Variants in EEF1AKMT1 observed in about 807,000 individuals in gnomAD.
The protein encoded by EEF1AKMT1 is N-6 adenine-specific DNA methyltransferase 2 (putative).
In EEF1AKMT1, 18 loss-of-function variants were observed where a neutral mutation model predicts 21.0. The observed-to-expected ratio is 0.86, with a 90% confidence interval of 0.59 to 1.27. The LOEUF is 1.27. Among genes scored for constraint, EEF1AKMT1 ranks in the 50% most tolerant of loss-of-function variants. EEF1AKMT1 has a pLI of 0.00. For missense variants in EEF1AKMT1, 246 were observed against 258.6 expected, an observed-to-expected ratio of 0.95 and a Z score of 0.33; for synonymous variants, 109 against 94.8, an observed-to-expected ratio of 1.15 and a Z score of -0.87.
chr13:20,743,370 A>G (rs1477141446), intron 2 of EEF1AKMT1, among the ~76,000 whole-genome samples: 1 of 151,820 alleles, frequency 6.6e-6, no homozygotes, highest in African/African-American at 2.4e-5. Context: ...CCTGGCTAAT[A>G]CTTTTATTAT....
At chr13:20,734,152 T>A (rs1174662379) in intron 3 of EEF1AKMT1, among the ~76,000 whole-genome samples, 2 of 152,218 alleles carry the variant, frequency 1.3e-5, no homozygotes, top group African/African-American at 4.8e-5. Flanking sequence ...ATATGCACAC[T>A]ATGAAAACAT....
chr13:20,756,941 C>G (rs928357103), intron 2 of EEF1AKMT1, among the ~76,000 whole-genome samples: 1 of 152,192 alleles, frequency 6.6e-6, no homozygotes, highest in Non-Finnish European at 1.5e-5. Flanking sequence ...AACCTGCATC[C>G]CGTCTCTGCT....
At chr13:20,763,516 G>A (rs1165585385) in intron 1 of EEF1AKMT1, among the ~76,000 whole-genome samples, 2 of 151,228 alleles carry the variant, frequency 1.3e-5, no homozygotes, top group African/African-American at 4.9e-5. Context: ...GCAATGGCTC[G>A]ATCTCAGCTC....
At chr13:20,758,216 G>C (rs2058981232) in intron 1 of EEF1AKMT1, among the ~76,000 whole-genome samples, 1 of 152,010 alleles carries the variant, frequency 6.6e-6, no homozygotes, top group African/African-American at 2.4e-5. Flanking sequence ...CTGCCTGCAG[G>C]TTTCATCTAC....
intron 1 of EEF1AKMT1, among the ~76,000 whole-genome samples, chr13:20,773,341 C>G (rs2059071536): frequency 6.6e-6 from 1 of 152,198 alleles, no homozygotes; most frequent in Non-Finnish European, 1.5e-5. Context: ...ACTTCTTCTG[C>G]ACCTCCGAAG....
At chr13:20,731,593 A>T (rs2058796140) in intron 4 of EEF1AKMT1, among the ~76,000 whole-genome samples, 1 of 152,232 alleles carries the variant, frequency 6.6e-6, no homozygotes, top group Admixed American at 6.5e-5. Context: ...GTAACAGCTG[A>T]CATTCATCAA....
chr13:20,771,928 T>C (rs758134403), intron 1 of EEF1AKMT1, among the ~76,000 whole-genome samples: 1 of 152,064 alleles, frequency 6.6e-6, no homozygotes, highest in African/African-American at 2.4e-5. Context: ...GGAGAATCGC[T>C]TGAACCCAGG....
rs1555326495 is a variant in EEF1AKMT1, at chr13:20,748,715, G to GGTTT, written c.144+8739_144+8740insAAAC. ...TTCTTCACCCTCCTAATGTATAGTT[G>GGTTT]TTTTTTTTTGGTTTTTTTTTTTTTT... On this transcript the variant is annotated intron_variant, in intron 2 of 4. Transcript: ENST00000382758. Among the ~76,000 whole-genome samples the GGTTT allele has an allele frequency of 1.0e-4, 11 of 105,836 alleles. 1 individual carries two copies. The highest frequency in any genetic ancestry group is 3.0e-4 in the South Asian group (1 of 3,290). The allele number at this position is 105,836 out of a possible 152,430, so 69.4% of individuals were successfully genotyped here.
intron 1 of EEF1AKMT1, among the ~76,000 whole-genome samples, chr13:20,766,398 A>T (rs2059033140): frequency 6.6e-6 from 1 of 152,288 alleles, no homozygotes; most frequent in South Asian, 2.1e-4. Flanking sequence ...ATTAGACAGT[A>T]TATAATGTTG....
intron 4 of EEF1AKMT1, among the ~76,000 whole-genome samples, chr13:20,729,920 C>A (rs562022598): frequency 2.6e-5 from 4 of 152,348 alleles, no homozygotes; most frequent in South Asian, 4.1e-4. Flanking sequence ...TTAAAGCGAA[C>A]GTCTTACGTC....
intron 1 of EEF1AKMT1, among the ~76,000 whole-genome samples, chr13:20,773,411 C>A (rs914449822): frequency 1.1e-4 from 16 of 152,222 alleles, no homozygotes; most frequent in East Asian, 1.9e-4. Flanking sequence ...TCGCAGCACC[C>A]GCATCCTGCA....
chr13:20,753,476 T>A (rs2141428695), intron 2 of EEF1AKMT1, among the ~76,000 whole-genome samples: 1 of 152,280 alleles, frequency 6.6e-6, no homozygotes, highest in East Asian at 1.9e-4. Flanking sequence ...TTAAATACAA[T>A]GTTTCTTTGT....
At chr13:20,732,480 G>A (rs764508661) in intron 3 of EEF1AKMT1, among the ~76,000 whole-genome samples, 18 of 151,978 alleles carry the variant, frequency 1.2e-4, no homozygotes, top group South Asian at 2.1e-4. Context: ...ACAGGCACGC[G>A]CCACTGCGCC....
rs888373340 is a variant in EEF1AKMT1, at chr13:20,731,968, G to C, written c.381C>G (p.Pro127=). 6.2e-7 allele frequency: 1 copy of C among 1,614,080 alleles called. No individual in the cohort carries two copies. The highest frequency in any genetic ancestry group is 1.3e-5 in the African/African-American group (1 of 74,932). The change falls in exon 4 of 5, where the codon CCC becomes CCG. Residue 127 remains proline, a synonymous_variant. Transcript: ENST00000382758. ...CAAAACTATGTGCAGCAATTCTTTC[G>C]GGTAAGTCCAATGGATTATTGTAAT... ...FYDYNNPLDL[P]ERIAAHSFDI...
intron 1 of EEF1AKMT1, among the ~76,000 whole-genome samples, chr13:20,772,895 T>C (rs998884041): frequency 6.6e-6 from 1 of 152,156 alleles, no homozygotes; most frequent in African/African-American, 2.4e-5. Context: ...TTGTGTGAAA[T>C]TAGGTTAAGA....
At chr13:20,759,721 A>C (rs1179145334) in intron 1 of EEF1AKMT1, among the ~76,000 whole-genome samples, 1 of 152,234 alleles carries the variant, frequency 6.6e-6, no homozygotes, top group African/African-American at 2.4e-5. Context: ...AACATGAAAA[A>C]ATGCTCAGCA....
At chr13:20,738,577 A>G (rs1017412556) in intron 2 of EEF1AKMT1, among the ~76,000 whole-genome samples, 3 of 152,240 alleles carry the variant, frequency 2.0e-5, no homozygotes, top group African/African-American at 7.2e-5. Context: ...CCTGTGTGGA[A>G]ACAACTCAAG....
rs779194812 is a variant in EEF1AKMT1, at chr13:20,729,071, C to A, written c.*9G>T. ...AGGGTTCCTTCCTGTGTTATGTCAC[C>A]GTCTGTAATCAGATCCCACAGTCCA... On this transcript the variant is annotated 3_prime_UTR_variant, in exon 5 of 5. Coordinates refer to ENST00000382758, the MANE Select transcript of EEF1AKMT1 (RefSeq NM_001318939.2). 8.1e-6 allele frequency: 13 copies of A among 1,613,982 alleles called. No homozygotes were observed. The highest frequency in any genetic ancestry group is 4.5e-5 in the East Asian group (2 of 44,874).
At chr13:20,732,361 T>C (rs1424283943) in intron 3 of EEF1AKMT1, among the ~76,000 whole-genome samples, 1 of 152,212 alleles carries the variant, frequency 6.6e-6, no homozygotes, top group Non-Finnish European at 1.5e-5. Context: ...AGATGGAGTC[T>C]CACTCTGTTG....
Sources: gnomAD v4.1 joint callset for allele counts (sites outside exome capture counted in the v4.1 genomes callset) on GRCh38, gnomAD v4.1.1 for gene constraint, MANE v1.5 for transcripts, NCBI Gene and HGNC (gene_info 2026-07-23, HGNC 2026-07-21) for gene names.